The following RALY variants were observed in gnomAD, a reference collection of about 807,000 sequenced individuals.
RALY encodes the protein RNA-binding protein Raly.
In RALY, 15 loss-of-function variants were observed where a neutral mutation model predicts 30.7. That is an observed-to-expected ratio of 0.49 (90% CI 0.33 to 0.75). The LOEUF (loss-of-function observed/expected upper bound fraction) is 0.75. RALY is among the 30% of genes least tolerant of loss of function. The pLI, the probability that RALY is intolerant of heterozygous loss-of-function variation, is 0.02. For synonymous variants in RALY, 177 were observed against 170.8 expected, an observed-to-expected ratio of 1.04 and a Z score of -0.28; for missense variants, 339 against 414.3, an observed-to-expected ratio of 0.82 and a Z score of 1.58.
intron 1 of RALY, among the ~76,000 whole-genome samples, chr20:34,004,228 T>C (rs1231486663): frequency 1.3e-5 from 2 of 152,196 alleles, no homozygotes; most frequent in African/African-American, 4.8e-5. Context: ...CCAGTGAGTA[T>C]TTGTGCTGGA....
At position 34,064,067 on chromosome 20, in the gene RALY, A is replaced by G. The variant is rs2033496513; in HGVS notation, c.-9-7999A>G. 2.0e-5 allele frequency among the ~76,000 whole-genome samples: 3 copies of G among 152,122 alleles called. No homozygotes were observed. The South Asian group carries it at 6.2e-4, about 32-fold the overall frequency. ...GGCCCATAATTAGCTCCGTGTTTGG[A>G]TATTTATAATTACAATCAGATGGAT... On this transcript the variant is annotated intron_variant, in intron 2 of 9. Transcript: ENST00000246194.
intron 8 of RALY, chr20:34,077,749 C>A: frequency 4.6e-6 from 1 of 219,444 alleles, no homozygotes; most frequent in Non-Finnish European, 9.2e-6. Context: ...GGAGGGTGGA[C>A]CAAACTCTGA....
At chr20:34,066,648 C>T (rs1027540514) in intron 2 of RALY, among the ~76,000 whole-genome samples, 1 of 151,842 alleles carries the variant, frequency 6.6e-6, no homozygotes, top group Non-Finnish European at 1.5e-5. Context: ...ATCTTGGCTT[C>T]CCAAAGTGCT....
At chr20:34,025,899 GT>G (rs35827160) in intron 1 of RALY, among the ~76,000 whole-genome samples, 4,145 of 75,926 alleles carry the variant, frequency 0.055, 148 homozygotes, top group African/African-American at 0.2. Context: ...ATTCCTGGTT[GT>G]TTTTTTTTTT....
At chr20:34,001,827 C>T (rs2030929961) in intron 1 of RALY, among the ~76,000 whole-genome samples, 1 of 152,112 alleles carries the variant, frequency 6.6e-6, no homozygotes, top group South Asian at 2.1e-4. Flanking sequence ...AGTGCAGTGG[C>T]ATGATCTCCG....
intron 1 of RALY, among the ~76,000 whole-genome samples, chr20:33,996,150 C>CT (rs1480693501): frequency 5.9e-5 from 9 of 152,154 alleles, no homozygotes; most frequent in African/African-American, 1.7e-4. Flanking sequence ...GTTTATGTCT[C>CT]TTTTTTTACT....
intron 6 of RALY, 89 bp downstream of exon 6, chr20:34,076,129 A>G: frequency 1.4e-6 from 2 of 1,447,394 alleles, no homozygotes; most frequent in South Asian, 1.3e-5. Flanking sequence ...GAACATAGAT[A>G]AAACAACAAG....
intron 1 of RALY, among the ~76,000 whole-genome samples, chr20:34,023,450 G>A (rs2031904649): frequency 6.6e-6 from 1 of 152,146 alleles, no homozygotes; most frequent in Non-Finnish European, 1.5e-5. Flanking sequence ...ACTATATGCT[G>A]CCTTCCTTAC....
At chr20:34,078,622 G>A in intron 9 of RALY, 69 bp downstream of exon 9, 1 of 1,403,064 alleles carries the variant, frequency 7.1e-7, no homozygotes, top group Non-Finnish European at 9.5e-7. Context: ...CCTTTTCCCT[G>A]GATTGGGCAG....
intron 1 of RALY, among the ~76,000 whole-genome samples, chr20:34,005,637 C>G (rs1408150526): frequency 6.6e-6 from 1 of 152,102 alleles, no homozygotes; most frequent in African/African-American, 2.4e-5. Context: ...CTAATATTTA[C>G]TGAAGGTTAC....
intron 1 of RALY, among the ~76,000 whole-genome samples, chr20:34,004,627 T>C (rs2031077623): frequency 6.6e-6 from 1 of 152,250 alleles, no homozygotes; most frequent in South Asian, 2.1e-4. Flanking sequence ...AACAAGGTCA[T>C]GTCGTTATGA....
chr20:34,019,469 G>C (rs879082228), intron 1 of RALY, among the ~76,000 whole-genome samples: 1 of 152,182 alleles, frequency 6.6e-6, no homozygotes, highest in Middle Eastern at 3.2e-3. Context: ...AACATGATGG[G>C]ATGGGAGGTA....
At chr20:34,038,062 G>A (rs2032566629) in intron 2 of RALY, among the ~76,000 whole-genome samples, 1 of 152,216 alleles carries the variant, frequency 6.6e-6, no homozygotes, top group South Asian at 2.1e-4. Context: ...TCATAGCAAA[G>A]CAATAACCTC....
intron 2 of RALY, among the ~76,000 whole-genome samples, chr20:34,052,153 A>G (rs1346394485): frequency 1.3e-5 from 2 of 152,224 alleles, no homozygotes; most frequent in Non-Finnish European, 2.9e-5. Flanking sequence ...GGGAAACATC[A>G]GATTGAATAA....
chr20:34,044,316 T>C (rs1227649778), intron 2 of RALY, among the ~76,000 whole-genome samples: 1 of 152,130 alleles, frequency 6.6e-6, no homozygotes, highest in African/African-American at 2.4e-5. Context: ...TGTGTGTTGG[T>C]ATGTGCGTTA....
chr20:34,037,702 G>A (rs2032550326), intron 2 of RALY, among the ~76,000 whole-genome samples: 1 of 152,192 alleles, frequency 6.6e-6, no homozygotes, highest in Admixed American at 6.5e-5. Flanking sequence ...ATTGGATAGT[G>A]TACAAATGTA....
intron 2 of RALY, among the ~76,000 whole-genome samples, chr20:34,032,106 G>C (rs1184718738): frequency 6.6e-6 from 1 of 152,028 alleles, no homozygotes; most frequent in Non-Finnish European, 1.5e-5. Flanking sequence ...AGGATTACAG[G>C]CATGCACCGC....
In RALY at chr20:34,044,201, A is replaced by G. The variant is rs1415096348; in HGVS notation, c.-10+12597A>G. Among the ~76,000 whole-genome samples the G allele has an allele frequency of 2.6e-5, 4 of 152,208 alleles. No individual in the cohort carries two copies. In the East Asian group the frequency reaches 7.7e-4, roughly 29 times the overall value. On this transcript the variant is annotated intron_variant, in intron 2 of 9. Coordinates refer to ENST00000246194, the MANE Select transcript of RALY (RefSeq NM_016732.3). ...AAGTTAGGGTCAAACTCTGAAGGAC[A>G]TAATATTGGAGGCTATTGTGTATGT...
chr20:34,065,322 C>G (rs2033539266), intron 2 of RALY, among the ~76,000 whole-genome samples: 1 of 152,154 alleles, frequency 6.6e-6, no homozygotes, highest in African/African-American at 2.4e-5. Flanking sequence ...TTTCTGTTTT[C>G]GGATTAAAGA....
Sources: allele counts gnomAD v4.1 joint callset (sites outside exome capture counted in the v4.1 genomes callset), GRCh38; gene constraint gnomAD v4.1.1; transcripts MANE v1.5; gene names NCBI Gene and HGNC (gene_info 2026-07-23, HGNC 2026-07-21).